Variants in PLXDC2 observed in about 807,000 individuals in gnomAD.
PLXDC2 encodes the protein plexin domain containing 2.
A neutral mutation model predicts 68.9 loss-of-function variants in PLXDC2; 40 were observed. The observed-to-expected ratio is 0.58, with a 90% confidence interval of 0.45 to 0.76. The LOEUF (loss-of-function observed/expected upper bound fraction) is 0.76. Ranked by LOEUF, PLXDC2 falls within the 30% of genes least tolerant of loss-of-function variation. PLXDC2 has a pLI of 0.00. For synonymous variants in PLXDC2, 243 were observed against 234.2 expected, an observed-to-expected ratio of 1.04 and a Z score of -0.34; for missense variants, 644 against 661.9, an observed-to-expected ratio of 0.97 and a Z score of 0.30.
At chr10:20,101,843 G>A (rs1376466825) in intron 4 of PLXDC2, among the ~76,000 whole-genome samples, 6 of 151,054 alleles carry the variant, frequency 4.0e-5, no homozygotes, top group African/African-American at 9.8e-5. Context: ...TGTTGCCCAG[G>A]CTGGAGTGCA....
At chr10:20,022,758 C>T (rs12358258) in intron 2 of PLXDC2, among the ~76,000 whole-genome samples, 26,641 of 151,974 alleles carry the variant, frequency 0.18, 2,478 homozygotes, top group Middle Eastern at 0.26. Context: ...GAGTGATGTA[C>T]ATGCAAATAA....
At chr10:19,976,944 T>G (rs1834467645) in intron 1 of PLXDC2, among the ~76,000 whole-genome samples, 1 of 152,144 alleles carries the variant, frequency 6.6e-6, no homozygotes, top group East Asian at 1.9e-4. Flanking sequence ...TTCTAGGAGT[T>G]ATTTCCTCCT....
rs767365893 is a variant in PLXDC2, at chr10:20,001,966, G to A, written c.304G>A (p.Asp102Asn). ...FTDLLLDDGQ[D>N]NNTQIEEDTD... ...AGACCTGCTGCTGGATGATGGGCAG[G>A]ACAATAACACTCAGATCGAGGTAGA... The change falls in exon 2 of 14, where the codon GAC becomes AAC. Residue 102 changes from aspartate (D) to asparagine (N), a missense_variant. Asp to Asn is a conservative substitution (Grantham distance 23, BLOSUM62 1). Transcript: ENST00000377252. 6.2e-7 allele frequency: 1 copy of A among 1,612,452 alleles called. No individual in the cohort carries two copies. The highest frequency in any genetic ancestry group is 8.5e-7 in the Non-Finnish European group (1 of 1,179,900).
At chr10:20,248,132 T>C (rs1312479797) in intron 13 of PLXDC2, among the ~76,000 whole-genome samples, 1 of 152,168 alleles carries the variant, frequency 6.6e-6, no homozygotes, top group Non-Finnish European at 1.5e-5. Flanking sequence ...TCTGACATGG[T>C]GAAAAAGAAG....
At chr10:19,849,041 C>A (rs1837065892) in intron 1 of PLXDC2, among the ~76,000 whole-genome samples, 1 of 151,894 alleles carries the variant, frequency 6.6e-6, no homozygotes. Context: ...ATTTTAAATT[C>A]CTTTATGACC....
intron 2 of PLXDC2, among the ~76,000 whole-genome samples, chr10:20,030,579 G>A (rs552256985): frequency 6.6e-6 from 1 of 152,256 alleles, no homozygotes; most frequent in South Asian, 2.1e-4. Flanking sequence ...CAAAGGGTAG[G>A]CTCAGGTTTT....
intron 4 of PLXDC2, among the ~76,000 whole-genome samples, chr10:20,089,169 CGT>C (rs34167804): frequency 0.12 from 16,740 of 142,352 alleles, 968 homozygotes; most frequent in Admixed American, 0.18. Context: ...CCTGTATATA[CGT>C]GTGTGTGTGT....
chr10:19,910,432 C>G (rs1833245529), intron 1 of PLXDC2, among the ~76,000 whole-genome samples: 1 of 151,690 alleles, frequency 6.6e-6, no homozygotes, highest in African/African-American at 2.4e-5. Flanking sequence ...TAATCACTAT[C>G]CGGGCGGGGA....
chr10:20,106,183 G>T (rs1426440497), intron 4 of PLXDC2, among the ~76,000 whole-genome samples: 1 of 152,178 alleles, frequency 6.6e-6, no homozygotes, highest in Non-Finnish European at 1.5e-5. Context: ...AAATTCATTG[G>T]TAGGTTGAAG....
In PLXDC2 at chr10:20,001,677, C is replaced by T. The variant is rs112050002; in HGVS notation, c.113-98C>T. ...CTGTTACAAGTTAGTTTCCTATTCT[C>T]GTGCCTCACAGAATTCTTTTTTCTT... On this transcript the variant is annotated intron_variant, in intron 1 of 13. Transcript: ENST00000377252. 1.7e-3 allele frequency: 1,799 copies of T among 1,050,116 alleles called. 22 individuals are homozygous for T. The African/African-American group carries it at 0.026, about 15-fold the overall frequency. 65.0% of individuals were successfully genotyped at this position (1,050,116 alleles called of 1,614,324 possible).
At chr10:19,974,725 C>T (rs1413254938) in intron 1 of PLXDC2, among the ~76,000 whole-genome samples, 6 of 152,144 alleles carry the variant, frequency 3.9e-5, no homozygotes, top group African/African-American at 1.4e-4. Flanking sequence ...GGTTTGCTTA[C>T]CACTATACCC....
Position 20,217,596 on chromosome 10 carries a change from C to CTTTTTT in PLXDC2, c.1273+43_1273+48dup, listed in dbSNP as rs66483508. On this transcript the variant is annotated intron_variant, in intron 11 of 13. Transcript: ENST00000377252. ...CAGAAGGTACCCAAGAGATAGTTTG[C>CTTTTTT]TTTTTTTTTTTTTTTTTTTTTTTTT... is the stretch of plus-strand genomic sequence containing the variant. 2.4e-4 allele frequency: 189 copies of CTTTTTT among 785,048 alleles called. No individual in the cohort carries two copies. The highest frequency in any genetic ancestry group is 2.9e-4 in the South Asian group (9 of 31,552). The allele number at this position is 785,048 out of a possible 1,614,324, so 48.6% of individuals were successfully genotyped here. A position where few individuals can be genotyped will look rare whatever the true frequency, so the allele number is the denominator to read the frequency against.
intron 13 of PLXDC2, among the ~76,000 whole-genome samples, chr10:20,254,293 A>G (rs1835715484): frequency 6.6e-6 from 1 of 152,190 alleles, no homozygotes; most frequent in African/African-American, 2.4e-5. Flanking sequence ...AGAAGGAGCC[A>G]GGCAAGAATT....
intron 4 of PLXDC2, among the ~76,000 whole-genome samples, chr10:20,102,959 C>T (rs1427622438): frequency 1.3e-5 from 2 of 152,118 alleles, no homozygotes; most frequent in African/African-American, 4.8e-5. Flanking sequence ...GTAGAACATG[C>T]TTCCAAAAGA....
At chr10:20,067,928 T>G (rs1836242090) in intron 3 of PLXDC2, among the ~76,000 whole-genome samples, 1 of 152,184 alleles carries the variant, frequency 6.6e-6, no homozygotes. Context: ...AATGAACTGA[T>G]TATTCAGTGG....
chr10:20,010,454 A>G (rs1253187851), intron 2 of PLXDC2, among the ~76,000 whole-genome samples: 3 of 152,228 alleles, frequency 2.0e-5, no homozygotes, highest in Non-Finnish European at 4.4e-5. Context: ...GGATTAAAAT[A>G]GAGTATCATA....
chr10:19,833,888 G>T (rs1457742082), intron 1 of PLXDC2, among the ~76,000 whole-genome samples: 1 of 151,196 alleles, frequency 6.6e-6, no homozygotes, highest in African/African-American at 2.4e-5. Context: ...AATAAAAAAT[G>T]CATACAAATC....
intron 4 of PLXDC2, among the ~76,000 whole-genome samples, chr10:20,135,613 C>G (rs1275484244): frequency 2.0e-5 from 3 of 152,164 alleles, no homozygotes; most frequent in East Asian, 1.9e-4. Flanking sequence ...ATCTTCCCCT[C>G]TTCATATACA....
intron 1 of PLXDC2, among the ~76,000 whole-genome samples, chr10:19,824,836 A>G (rs1836540738): frequency 6.6e-6 from 1 of 152,200 alleles, no homozygotes; most frequent in Non-Finnish European, 1.5e-5. Flanking sequence ...CTTTTTAATT[A>G]AAAAGGTGGT....
Sources: allele counts gnomAD v4.1 joint callset (sites outside exome capture counted in the v4.1 genomes callset), GRCh38; gene constraint gnomAD v4.1.1; transcripts MANE v1.5; gene names NCBI Gene and HGNC (gene_info 2026-07-23, HGNC 2026-07-21).